PTPRG: variants seen among roughly 807,000 people sequenced by gnomAD.
PTPRG encodes the protein receptor-type tyrosine-protein phosphatase gamma.
A neutral mutation model predicts 165.3 loss-of-function variants in PTPRG; 102 were observed. The observed-to-expected ratio is 0.62, with a 90% CI of 0.53 to 0.73. PTPRG has a LOEUF of 0.73. PTPRG is among the 30% of genes least tolerant of loss of function. PTPRG has a pLI of 0.00. For missense variants in PTPRG, 1,866 were observed against 1,861.4 expected (o/e 1.00, Z -0.05); for synonymous variants, 675 against 669.5 (o/e 1.01, Z -0.13).
chr3:62,118,953 C>G (rs1343552565), intron 5 of PTPRG, among the ~76,000 whole-genome samples: 1 of 152,252 alleles, frequency 6.6e-6, no homozygotes, highest in South Asian at 2.1e-4. Flanking sequence ...TTCCCTGCTT[C>G]ACCTCTTTAA....
At chr3:62,235,607 A>G (rs777726534) in intron 14 of PTPRG, among the ~76,000 whole-genome samples, 38 of 152,210 alleles carry the variant, frequency 2.5e-4, no homozygotes, top group Non-Finnish European at 5.4e-4. Context: ...CCTATAATTT[A>G]TCATTTTCTC....
chr3:62,046,041 GGT>G (rs375050689), intron 4 of PTPRG, among the ~76,000 whole-genome samples: 255 of 152,196 alleles, frequency 1.7e-3, no homozygotes, highest in Middle Eastern at 6.8e-3. Flanking sequence ...CCTGTGAGGT[GGT>G]CGCACAAAGC....
intron 5 of PTPRG, chr3:62,124,384 C>T (rs1703205427): frequency 6.2e-7 from 1 of 1,613,464 alleles, no homozygotes; most frequent in Non-Finnish European, 8.5e-7. Context: ...GGGTGATCTG[C>T]AGGTCCAAGA....
intron 8 of PTPRG, among the ~76,000 whole-genome samples, chr3:62,184,619 C>G (rs1705796257): frequency 6.6e-6 from 1 of 152,190 alleles, no homozygotes; most frequent in Non-Finnish European, 1.5e-5. Context: ...GCCTCCTGCT[C>G]TTTCTCCCCA....
chr3:62,043,333 A>G (rs1700185593), intron 4 of PTPRG, among the ~76,000 whole-genome samples: 1 of 152,216 alleles, frequency 6.6e-6, no homozygotes, highest in African/African-American at 2.4e-5. Context: ...GCACACATCA[A>G]GACTTTTTAA....
At chr3:62,072,290 A>G (rs553431936) in intron 4 of PTPRG, among the ~76,000 whole-genome samples, 1 of 152,278 alleles carries the variant, frequency 6.6e-6, no homozygotes, top group East Asian at 1.9e-4. Context: ...ATTTTAGGAC[A>G]TGTTTCCTGG....
intron 5 of PTPRG, among the ~76,000 whole-genome samples, chr3:62,115,640 CTTT>C (rs74266091): frequency 7.0e-6 from 1 of 142,018 alleles, no homozygotes. Context: ...AAGGCACATT[CTTT>C]TTTTTTTTTT....
intron 8 of PTPRG, among the ~76,000 whole-genome samples, chr3:62,174,932 C>T (rs1489710989): frequency 2.6e-5 from 4 of 152,046 alleles, no homozygotes; most frequent in African/African-American, 9.7e-5. Context: ...AGTTTTTAAC[C>T]CCCTTCTTTC....
intron 4 of PTPRG, among the ~76,000 whole-genome samples, chr3:62,043,963 A>G (rs1700207250): frequency 6.6e-6 from 1 of 152,182 alleles, no homozygotes; most frequent in Admixed American, 6.5e-5. Context: ...AACATGAAAG[A>G]CTGTGGTGAA....
Position 61,748,998 on chromosome 3 carries a change from CTAA to C in PTPRG, c.190+18_190+20del. ...GCCTACTCTGGTAAGTCCAGTTGTT[CTAA>C]TGGAGATCACACAGGCCAGTTAACA... is the stretch of plus-strand genomic sequence containing the variant. On this transcript the variant is annotated intron_variant, in intron 2 of 29. Transcript: ENST00000474889. 6.3e-7 allele frequency: 1 copy of C among 1,597,072 alleles called. No individual in the cohort carries two copies. Among genetic ancestry groups the C allele is most frequent in the Non-Finnish European group, 8.6e-7 (1 of 1,165,430 alleles).
chr3:62,026,307 T>G (rs1044456509), intron 4 of PTPRG, among the ~76,000 whole-genome samples: 1 of 152,228 alleles, frequency 6.6e-6, no homozygotes, highest in Non-Finnish European at 1.5e-5. Context: ...TTCTTGACAT[T>G]CAAGTGTTTT....
intron 1 of PTPRG, among the ~76,000 whole-genome samples, chr3:61,580,119 G>A (rs879490894): frequency 1.3e-5 from 2 of 152,152 alleles, no homozygotes; most frequent in Non-Finnish European, 2.9e-5. Context: ...GTGGTCAACA[G>A]TAGGCTATTA....
chr3:62,175,229 T>C (rs1431663359), intron 8 of PTPRG, among the ~76,000 whole-genome samples: 1 of 152,250 alleles, frequency 6.6e-6, no homozygotes, highest in Non-Finnish European at 1.5e-5. Context: ...TTGTTGTAGC[T>C]AGTAAATTTC....
At chr3:61,925,185 A>G (rs1287157715) in intron 2 of PTPRG, among the ~76,000 whole-genome samples, 1 of 152,200 alleles carries the variant, frequency 6.6e-6, no homozygotes, top group African/African-American at 2.4e-5. Flanking sequence ...TTTCAGTAAA[A>G]CTTTATTTAT....
intron 3 of PTPRG, among the ~76,000 whole-genome samples, chr3:62,001,562 G>A (rs1219015280): frequency 6.6e-6 from 1 of 151,470 alleles, no homozygotes; most frequent in Admixed American, 6.6e-5. Context: ...TATGTGGTTG[G>A]TATAATATAA....
intron 1 of PTPRG, among the ~76,000 whole-genome samples, chr3:61,688,310 A>T (rs1703705253): frequency 6.6e-6 from 1 of 152,224 alleles, no homozygotes; most frequent in African/African-American, 2.4e-5. Context: ...CTGCATGCTG[A>T]CTAGCGGAGG....
intron 8 of PTPRG, among the ~76,000 whole-genome samples, chr3:62,186,121 T>G (rs1217779024): frequency 6.6e-6 from 1 of 152,156 alleles, no homozygotes; most frequent in African/African-American, 2.4e-5. Context: ...TCTGGTACTA[T>G]CGTTGCCCCA....
Position 62,297,196 on chromosome 3 carries a change from T to C in PTPRG, c.*3889T>C, listed in dbSNP as rs1199690250. 6.6e-6 allele frequency: 1 copy of C among 151,952 alleles called. No individual in the cohort carries two copies. Among genetic ancestry groups the C allele is most frequent in the Non-Finnish European group, 1.5e-5 (1 of 67,912 alleles). The allele number at this position is 151,952 out of a possible 1,614,324, so 9.4% of individuals were successfully genotyped here. A position where few individuals can be genotyped will look rare whatever the true frequency, so the allele number is the denominator to read the frequency against. ...ATTTTATATTTTCATATAAAGCTAATTTTTTTCTAGTTTCAACTCCGTCAT... is the reference window on the plus strand; with the variant it reads ...ATTTTATATTTTCATATAAAGCTAACTTTTTTCTAGTTTCAACTCCGTCAT... On this transcript the variant is annotated 3_prime_UTR_variant, in exon 30 of 30. Transcript: ENST00000474889.
At chr3:61,926,723 A>G (rs2039223085) in intron 2 of PTPRG, among the ~76,000 whole-genome samples, 1 of 151,738 alleles carries the variant, frequency 6.6e-6, no homozygotes. Flanking sequence ...TATAAATGCC[A>G]TTATAATTCC....
Sources: gnomAD v4.1 joint callset for allele counts (sites outside exome capture counted in the v4.1 genomes callset) on GRCh38, gnomAD v4.1.1 for gene constraint, MANE v1.5 for transcripts, NCBI Gene and HGNC (gene_info 2026-07-23, HGNC 2026-07-21) for gene names.